ABCC2: variants seen among roughly 807,000 people sequenced by gnomAD.
ABCC2 encodes the protein ATP-binding cassette sub-family C member 2.
In ABCC2, 157 loss-of-function variants were observed where a neutral mutation model predicts 173.4. That is an observed-to-expected ratio of 0.91 (90% CI 0.80 to 1.03). The LOEUF (loss-of-function observed/expected upper bound fraction) is 1.03, where lower values mean the gene tolerates loss of function less well. Among genes scored for constraint, ABCC2 ranks in the 50% least tolerant of loss-of-function variants. The pLI, the probability that ABCC2 is intolerant of heterozygous loss-of-function variation, is 0.00. For missense variants in ABCC2, 1,822 were observed against 1,852.3 expected (o/e 0.98, Z 0.30); for synonymous variants, 657 against 693.5 (o/e 0.95, Z 0.83).
intron 11 of ABCC2, among the ~76,000 whole-genome samples, chr10:99,806,752 T>C (rs1006945986): frequency 6.6e-6 from 1 of 152,252 alleles, no homozygotes; most frequent in Non-Finnish European, 1.5e-5. Context: ...TTCATGATAA[T>C]GCATTTCATC....
chr10:99,786,742 C>A (rs1373765581), intron 2 of ABCC2, among the ~76,000 whole-genome samples: 1 of 152,080 alleles, frequency 6.6e-6, no homozygotes, highest in Non-Finnish European at 1.5e-5. Flanking sequence ...TGGTGGCTCA[C>A]GCTTGTAATC....
chr10:99,793,606 G>T lies in ABCC2; in HGVS notation c.389G>T (p.Trp130Leu). Residue 130 changes from tryptophan (W) to leucine (L), a missense_variant, in exon 4 of 32, where the codon TGG (tryptophan) becomes TTG (leucine). Trp to Leu is a moderately conservative substitution (Grantham distance 61, BLOSUM62 -2). Transcript: ENST00000647814. ...CAATGGTGTGTACAGAAAAACTCCTGGTTCCTGTCCCTATTCTGGATTCTC... is the reference window on the plus strand; with the variant it reads ...CAATGGTGTGTACAGAAAAACTCCTTGTTCCTGTCCCTATTCTGGATTCTC... ...SRQWCVQKNS[W>L]FLSLFWILSI... 1 of 1,614,086 alleles carries T rather than the reference G, an allele frequency of 6.2e-7. No individual in the cohort carries two copies. Among genetic ancestry groups the T allele is most frequent in the Non-Finnish European group, 8.5e-7 (1 of 1,179,986 alleles).
rs916426669 is a variant in ABCC2, at chr10:99,808,092, G to T, written c.1678G>T (p.Val560Phe). The change falls in exon 13 of 32, where the codon GTC becomes TTC. Residue 560 changes from valine (V) to phenylalanine (F), a missense_variant. Transcript: ENST00000647814. ...FQLTPVLVSVVTFSVYVLVDS... is the reference protein window; with the variant it reads ...FQLTPVLVSVFTFSVYVLVDS... Reference sequence around the variant, plus strand: ...ACCTTGCCCTTTCCAGGTATCTGTGGTCACATTTTCTGTTTATGTCCTGGT... The same window carrying T: ...ACCTTGCCCTTTCCAGGTATCTGTGTTCACATTTTCTGTTTATGTCCTGGT... 2 of 1,614,028 alleles carry T rather than the reference G, an allele frequency of 1.2e-6. No individual in the cohort carries two copies. The highest frequency in any genetic ancestry group is 2.2e-5 in the East Asian group (1 of 44,880).
intron 29 of ABCC2, among the ~76,000 whole-genome samples, chr10:99,846,147 G>A (rs2039013936): frequency 6.6e-6 from 1 of 152,220 alleles, no homozygotes; most frequent in Admixed American, 6.5e-5. Flanking sequence ...CATTTGCTAT[G>A]GTTAAAAGAT....
In ABCC2 at chr10:99,827,672, C is replaced by T. The variant is rs192917810; in HGVS notation, c.2621-2635C>T. On this transcript the variant is annotated intron_variant, in intron 19 of 31. Coordinates refer to ENST00000647814, the MANE Select transcript of ABCC2 (RefSeq NM_000392.5). ...GATCTAAAGTTCCTTGTTCTGGAAA[C>T]CATGGGCAAAATTGTTCTATTATTT... Among the ~76,000 whole-genome samples, 14 of 151,924 alleles carry T rather than the reference C, an allele frequency of 9.2e-5. No individual in the cohort carries two copies. The East Asian group carries it at 1.8e-3, about 19-fold the overall frequency.
intron 17 of ABCC2, among the ~76,000 whole-genome samples, chr10:99,817,957 C>T (rs1426260186): frequency 6.6e-6 from 1 of 152,204 alleles, no homozygotes; most frequent in Non-Finnish European, 1.5e-5. Flanking sequence ...GGCACAGTGG[C>T]TCACGCCTAT....
Position 99,834,036 on chromosome 10 carries a change from G to A in ABCC2, c.3259-344G>A, listed in dbSNP as rs536789887. Among the ~76,000 whole-genome samples the A allele has an allele frequency of 2.6e-5, 4 of 152,256 alleles. No homozygotes were observed. The South Asian group carries it at 8.3e-4, about 32-fold the overall frequency. On this transcript the variant is annotated intron_variant, in intron 23 of 31. Coordinates refer to ENST00000647814, the MANE Select transcript of ABCC2 (RefSeq NM_000392.5). Reference sequence around the variant, plus strand: ...TCCCCTTGGTCCTCTATGCTTAGCAGAGGAAGCAACTTCCTGAGTATTTTT... The same window carrying A: ...TCCCCTTGGTCCTCTATGCTTAGCAAAGGAAGCAACTTCCTGAGTATTTTT...
At chr10:99,806,077 C>A (rs75137340) in intron 11 of ABCC2, among the ~76,000 whole-genome samples, 1 of 148,148 alleles carries the variant, frequency 6.8e-6, no homozygotes, top group Non-Finnish European at 1.5e-5. Context: ...CTCTCTCTGT[C>A]TGTGTGTGTG....
chr10:99,793,960 G>C lies in ABCC2; in HGVS notation c.537G>C (p.Leu179=). ...FISYGFQILI[L]IFSAFSENNE... is the part of the protein sequence containing the mutation. ...CCTACGGATTCCAGATCCTGATCCT[G>C]ATCTTTTCAGCATTTTCAGAAAATA... The change falls in exon 5 of 32, where the codon CTG becomes CTC. Residue 179 remains leucine, a synonymous_variant. Transcript: ENST00000647814. The C allele has an allele frequency of 6.2e-7, 1 of 1,613,410 alleles. No individual in the cohort carries two copies. Among genetic ancestry groups the C allele is most frequent in the South Asian group, 1.1e-5 (1 of 91,064 alleles).
intron 30 of ABCC2, among the ~76,000 whole-genome samples, chr10:99,849,083 G>T (rs2039055173): frequency 3.9e-5 from 6 of 152,184 alleles, no homozygotes. Flanking sequence ...AATTAGTGGG[G>T]CATGGTGGCA....
Position 99,792,253 on chromosome 10 carries a change from T to C in ABCC2, c.227T>C (p.Leu76Pro), listed in dbSNP as rs1229176388. 1 of 1,614,136 alleles carries C rather than the reference T, an allele frequency of 6.2e-7. No homozygotes were observed. Among genetic ancestry groups the C allele is most frequent in the South Asian group, 1.1e-5 (1 of 91,090 alleles). Residue 76 changes from leucine (L) to proline (P), a missense_variant, in exon 3 of 32, where the codon CTT (leucine) becomes CCT (proline). By Grantham distance (98) the Leu-to-Pro change is moderately conservative (BLOSUM62 -3). Coordinates refer to ENST00000647814, the MANE Select transcript of ABCC2 (RefSeq NM_000392.5). The stretch of plus-strand genomic sequence containing the variant: ...TCTCAGGTATTCGTTGGTTTTCTTC[T>C]TATTCTAGCAGCCATAGAGCTGGCC... ...LAKQVFVGFL[L>P]ILAAIELALV... is the part of the protein sequence containing the mutation.
At position 99,794,446 on chromosome 10, in the gene ABCC2, A is replaced by G. The variant is rs774931173; in HGVS notation, c.610A>G (p.Ile204Val). ...ATCCATAGCTTCATTCCTGAGTAGC[A>G]TTACCTACAGCTGGTATGACAGGTA... is the stretch of plus-strand genomic sequence containing the variant. ...PSSIASFLSS[I>V]TYSWYDSIIL... The change falls in exon 6 of 32, where the codon ATT becomes GTT. Residue 204 changes from isoleucine to valine, a missense_variant. Coordinates refer to ENST00000647814, the MANE Select transcript of ABCC2 (RefSeq NM_000392.5). 2 of 1,614,040 alleles carry G rather than the reference A, an allele frequency of 1.2e-6. No individual in the cohort carries two copies. The highest frequency in any genetic ancestry group is 4.5e-5 in the East Asian group (2 of 44,876).
At position 99,851,904 on chromosome 10, in the gene ABCC2, T is replaced by C. The variant is rs2039093031; in HGVS notation, c.*273T>C. ...CTGAATTTCACGATAATTATTCCTT[T>C]GCCTTTCATTTCTGTTTTATCACCT... On this transcript the variant is annotated 3_prime_UTR_variant, in exon 32 of 32. Transcript: ENST00000647814. 3.0e-6 allele frequency: 1 copy of C among 337,820 alleles called. No homozygotes were observed. The highest frequency in any genetic ancestry group is 5.4e-6 in the Non-Finnish European group (1 of 186,506). 20.9% of individuals were successfully genotyped at this position (337,820 alleles called of 1,614,324 possible).
chr10:99,844,521 G>C lies in ABCC2; in HGVS notation c.3987+56G>C, dbSNP rs946178603. 2.5e-5 allele frequency: 40 copies of C among 1,601,734 alleles called. No homozygotes were observed. The Admixed American group carries it at 6.3e-4, about 25-fold the overall frequency. Reference sequence around the variant, plus strand: ...AGGCCTTGTGATCAAACAACAATTGGACAGAGTGGAGAGCAGCTGGGCCCT... The same window carrying C: ...AGGCCTTGTGATCAAACAACAATTGCACAGAGTGGAGAGCAGCTGGGCCCT... On this transcript the variant is annotated intron_variant, in intron 28 of 31. Transcript: ENST00000647814.
Position 99,847,054 on chromosome 10 carries a change from C to A in ABCC2, c.4240C>A (p.His1414Asn). 3 of 1,614,218 alleles carry A rather than the reference C, an allele frequency of 1.9e-6. No individual in the cohort carries two copies. The highest frequency in any genetic ancestry group is 2.5e-6 in the Non-Finnish European group (3 of 1,180,038). Residue 1414 changes from histidine (H) to asparagine (N), a missense_variant, in exon 30 of 32, where the codon CAC becomes AAC. His to Asn is a moderately conservative substitution (Grantham distance 68). Transcript: ENST00000647814. ...EEIWKALELA[H>N]LKSFVASLQL... ...GATTTGGAAGGCCTTGGAGCTGGCT[C>A]ACCTCAAGTCTTTTGTGGCCAGCCT...
rs141449111 is a variant in ABCC2, at chr10:99,797,479, A to G, written c.867+148A>G. On this transcript the variant is annotated intron_variant, in intron 7 of 31. Transcript: ENST00000647814. ...TATTAATGGTATTCACAATACTGATACTACCTTAGTGATGGATACATGGCG... is the reference window on the plus strand; with the variant it reads ...TATTAATGGTATTCACAATACTGATGCTACCTTAGTGATGGATACATGGCG... 53 of 730,166 alleles carry G rather than the reference A, an allele frequency of 7.3e-5. No individual in the cohort carries two copies. In the East Asian group the frequency reaches 1.4e-3, roughly 20 times the overall value. 45.2% of individuals were successfully genotyped at this position (730,166 alleles called of 1,614,324 possible).
intron 9 of ABCC2, among the ~76,000 whole-genome samples, chr10:99,800,919 C>T (rs1564675631): frequency 6.6e-6 from 1 of 152,174 alleles, no homozygotes; most frequent in Non-Finnish European, 1.5e-5. Flanking sequence ...AGAAAAGAAG[C>T]TGGTGAAGGG....
At position 99,851,514 on chromosome 10, in the gene ABCC2, AG is replaced by A; in HGVS notation, c.4522del (p.Asp1508ThrfsTer6). ...TTCCTTGTTTCAGGGTAATGGTCCT[AG>A]ACAACGGGAAGATTATAGAGTGCGG... ...IMDSDKVMVL[D>X]NGKIIECGSP... On this transcript the variant is annotated frameshift_variant, in exon 32 of 32. Transcript: ENST00000647814. LOFTEE classifies it low-confidence loss of function (END_TRUNC). 1 of 1,614,124 alleles carries A rather than the reference AG, an allele frequency of 6.2e-7. No homozygotes were observed. The highest frequency in any genetic ancestry group is 8.5e-7 in the Non-Finnish European group (1 of 1,180,020).
At chr10:99,851,302 ATTC>A (rs2039085377) in intron 31 of ABCC2, among the ~76,000 whole-genome samples, 197 bp from the exon 32 acceptor site, 1 of 152,214 alleles carries the variant, frequency 6.6e-6, no homozygotes, top group Non-Finnish European at 1.5e-5. Context: ...TACTGCCTGT[ATTC>A]TTCTATTACT....
Sources: gnomAD v4.1 joint callset for allele counts (sites outside exome capture counted in the v4.1 genomes callset) on GRCh38, gnomAD v4.1.1 for gene constraint, MANE v1.5 for transcripts, NCBI Gene and HGNC (gene_info 2026-07-23, HGNC 2026-07-21) for gene names.